CRTAC1: variants seen among roughly 807,000 people sequenced by gnomAD.
CRTAC1 encodes cartilage acidic protein 1, also known as acidic secreted protein in cartilage.
In CRTAC1, 37 loss-of-function variants were observed where a neutral mutation model predicts 67.8. The ratio of observed to expected loss-of-function variants is 0.55; its 90% confidence interval spans 0.42 to 0.72. The LOEUF is 0.72. CRTAC1 is among the 30% of genes least tolerant of loss of function. The probability of loss-of-function intolerance (pLI) is 0.00; values close to 1 mark genes in which losing one functional copy is unlikely to be tolerated. For missense variants in CRTAC1, 780 were observed against 931.6 expected (o/e 0.84, Z 2.12); for synonymous variants, 348 against 371.0 (o/e 0.94, Z 0.71).
intron 11 of CRTAC1, among the ~76,000 whole-genome samples, chr10:97,889,291 G>T (rs1167045621): frequency 6.6e-6 from 1 of 152,066 alleles, no homozygotes. Flanking sequence ...GAAGTGGAGG[G>T]TGGGCATGTG....
chr10:97,930,786 C>T (rs1240350660), intron 3 of CRTAC1, among the ~76,000 whole-genome samples: 1 of 152,086 alleles, frequency 6.6e-6, no homozygotes, highest in Non-Finnish European at 1.5e-5. Context: ...GCTCCCTCTC[C>T]TCTATAAGAA....
At chr10:97,973,613 T>G (rs1475628581) in intron 2 of CRTAC1, among the ~76,000 whole-genome samples, 1 of 152,116 alleles carries the variant, frequency 6.6e-6, no homozygotes, top group African/African-American at 2.4e-5. Context: ...ACCTGCTGAT[T>G]TCTAATTCTA....
intron 2 of CRTAC1, among the ~76,000 whole-genome samples, chr10:97,995,936 G>C (rs530725962): frequency 5.0e-4 from 76 of 152,188 alleles, no homozygotes; most frequent in African/African-American, 1.8e-3. Context: ...TGAGGTGGGT[G>C]GATCACAAAG....
chr10:97,968,112 C>T (rs895338784), intron 2 of CRTAC1, among the ~76,000 whole-genome samples: 1 of 152,176 alleles, frequency 6.6e-6, no homozygotes, highest in Non-Finnish European at 1.5e-5. Flanking sequence ...TCACAGATGA[C>T]AGAGCCAGAA....
chr10:98,017,328 G>A (rs1412382971), intron 1 of CRTAC1, among the ~76,000 whole-genome samples: 1 of 152,138 alleles, frequency 6.6e-6, no homozygotes, highest in Non-Finnish European at 1.5e-5. Flanking sequence ...GCAATGGGAG[G>A]CTATCCAGGT....
At chr10:97,974,880 G>C (rs1403902147) in intron 2 of CRTAC1, among the ~76,000 whole-genome samples, 2 of 152,150 alleles carry the variant, frequency 1.3e-5, no homozygotes, top group African/African-American at 4.8e-5. Context: ...GGTGCATCTC[G>C]CTGCATTGGA....
intron 1 of CRTAC1, among the ~76,000 whole-genome samples, chr10:98,012,621 C>T (rs1842930157): frequency 6.6e-6 from 1 of 152,110 alleles, no homozygotes; most frequent in Admixed American, 6.5e-5. Flanking sequence ...AGACTGTCTC[C>T]CCATATGGAG....
intron 1 of CRTAC1, among the ~76,000 whole-genome samples, chr10:98,021,903 C>T (rs2136706041): frequency 6.6e-6 from 1 of 152,278 alleles, no homozygotes; most frequent in East Asian, 1.9e-4. Context: ...CACAGAACCC[C>T]TTAGCATGCT....
At chr10:97,922,522 C>A (rs1478941750) in intron 4 of CRTAC1, among the ~76,000 whole-genome samples, 1 of 152,182 alleles carries the variant, frequency 6.6e-6, no homozygotes, top group Non-Finnish European at 1.5e-5. Flanking sequence ...AGGTGGGTGG[C>A]AGGGGAGCAG....
In CRTAC1 at chr10:97,908,137, G is replaced by T. The variant is rs761103998; in HGVS notation, c.726C>A (p.Gly242=). Residue 242 remains glycine, a synonymous_variant, in exon 6 of 15, where the codon GGC becomes GGA. Coordinates refer to ENST00000370597, the MANE Select transcript of CRTAC1 (RefSeq NM_018058.7). ...AGVSKYTGGR[G]VSVGPILSSS... Reference sequence around the variant, plus strand: ...TGCTGAGGATGGGGCCCACGCTGACGCCTCGGCCCCCTAGAAAAGACATCG... The same window carrying T: ...TGCTGAGGATGGGGCCCACGCTGACTCCTCGGCCCCCTAGAAAAGACATCG... The T allele has an allele frequency of 6.2e-7, 1 of 1,614,052 alleles. No individual in the cohort carries two copies. The highest frequency in any genetic ancestry group is 8.5e-7 in the Non-Finnish European group (1 of 1,179,980).
intron 2 of CRTAC1, among the ~76,000 whole-genome samples, chr10:97,987,178 G>A (rs549643487): frequency 2.6e-4 from 40 of 152,262 alleles, no homozygotes; most frequent in African/African-American, 8.7e-4. Context: ...TATGAATCTC[G>A]CATTTGAGAG....
chr10:97,945,663 G>T (rs2051252692), intron 2 of CRTAC1, among the ~76,000 whole-genome samples: 1 of 152,306 alleles, frequency 6.6e-6, no homozygotes, highest in Admixed American at 6.5e-5. Flanking sequence ...AATTGGGTAA[G>T]GTTGGAAAAA....
chr10:97,923,136 G>T, intron 4 of CRTAC1, 128 bp downstream of exon 4: 1 of 1,003,018 alleles, frequency 1.0e-6, no homozygotes, highest in Non-Finnish European at 1.5e-6. Context: ...TTAGTTGTTG[G>T]TATTTAGCAC....
In CRTAC1 at chr10:97,975,591, T is replaced by A. The variant is rs914383793; in HGVS notation, c.224+35547A>T. Among the ~76,000 whole-genome samples, 20 of 152,198 alleles carry A rather than the reference T, an allele frequency of 1.3e-4. No individual in the cohort carries two copies. The highest frequency in any genetic ancestry group is 2.8e-4 in the Non-Finnish European group (19 of 68,030). On this transcript the variant is annotated intron_variant, in intron 2 of 14. Coordinates refer to ENST00000370597, the MANE Select transcript of CRTAC1 (RefSeq NM_018058.7). This position sits in a 1 kb window ranked among gnomAD's most constrained non-coding sequence, Gnocchi z 4.8. The stretch of plus-strand genomic sequence containing the variant: ...CCTAAAGGACGTGGGGCACCATTTC[T>A]GTTACAACTGGCAGCCAGTCTTCTG...
intron 11 of CRTAC1, among the ~76,000 whole-genome samples, chr10:97,888,495 A>C (rs2050318268): frequency 1.3e-5 from 2 of 151,988 alleles, no homozygotes; most frequent in African/African-American, 4.8e-5. Flanking sequence ...ATCAGAGGAG[A>C]CTGGGGAGGG....
At chr10:97,918,760 G>A (rs2050794369) in intron 4 of CRTAC1, among the ~76,000 whole-genome samples, 1 of 151,264 alleles carries the variant, frequency 6.6e-6, no homozygotes, top group African/African-American at 2.4e-5. Flanking sequence ...ACTGGTCAGT[G>A]ACTTTATATC....
At chr10:97,937,779 G>C (rs945310504) in intron 2 of CRTAC1, among the ~76,000 whole-genome samples, 1 of 152,096 alleles carries the variant, frequency 6.6e-6, no homozygotes, top group African/African-American at 2.4e-5. Context: ...CTGCCCACTG[G>C]GAGCACCAGC....
intron 2 of CRTAC1, among the ~76,000 whole-genome samples, chr10:97,957,705 G>A (rs1471410556): frequency 6.6e-6 from 1 of 152,080 alleles, no homozygotes; most frequent in Non-Finnish European, 1.5e-5. Context: ...TTTTGATGCA[G>A]TGGATCAAAA....
At chr10:98,005,101 T>TATATATATATA (rs376672605) in intron 2 of CRTAC1, among the ~76,000 whole-genome samples, 1 of 40,134 alleles carries the variant, frequency 2.5e-5, no homozygotes, top group African/African-American at 1.2e-4. Context: ...TATATATATA[T>TATATATATATA]TTTTTTTTTT....
Sources: allele counts gnomAD v4.1 joint callset (sites outside exome capture counted in the v4.1 genomes callset), GRCh38; gene constraint gnomAD v4.1.1; non-coding constraint Gnocchi (gnomAD v3.1); transcripts MANE v1.5; gene names NCBI Gene and HGNC (gene_info 2026-07-23, HGNC 2026-07-21).